Variants in MYO10 observed in about 807,000 individuals in gnomAD.
The protein encoded by MYO10 is myosin X.
MYO10 carries 133 observed loss-of-function variants against 257.3 expected under a neutral mutation model. That is an observed-to-expected ratio of 0.52 (90% CI 0.45 to 0.60). The LOEUF (loss-of-function observed/expected upper bound fraction) is 0.60, where lower values mean the gene tolerates loss of function less well. Among genes scored for constraint, MYO10 ranks in the 20% least tolerant of loss-of-function variants. The probability of loss-of-function intolerance (pLI) is 0.00; values close to 1 mark genes in which losing one functional copy is unlikely to be tolerated. For missense variants in MYO10, 2,399 were observed against 2,635.7 expected, an observed-to-expected ratio of 0.91 and a Z score of 1.97; for synonymous variants, 1,104 against 1,028.6, an observed-to-expected ratio of 1.07 and a Z score of -1.40.
At chr5:16,899,636 AAAAAAAC>A (rs1269645769) in intron 1 of MYO10, among the ~76,000 whole-genome samples, 3 of 151,554 alleles carry the variant, frequency 2.0e-5, no homozygotes, top group Admixed American at 6.6e-5. Context: ...TTCAAAAAAA[AAAAAAAC>A]AAAAAACAAT....
intron 1 of MYO10, among the ~76,000 whole-genome samples, chr5:16,913,237 T>G (rs1475142279): frequency 2.0e-5 from 3 of 152,136 alleles, no homozygotes; most frequent in Non-Finnish European, 4.4e-5. Context: ...TACAAGCCAC[T>G]GCCAAAATTC....
intron 21 of MYO10, chr5:16,710,582 G>A (rs1738554339): frequency 3.1e-6 from 1 of 321,640 alleles, no homozygotes; most frequent in Non-Finnish European, 5.9e-6. Context: ...TGTAGACACT[G>A]GGGGCTGCCT....
At chr5:16,761,007 T>C (rs902376606) in intron 17 of MYO10, among the ~76,000 whole-genome samples, 2 of 151,542 alleles carry the variant, frequency 1.3e-5, no homozygotes, top group African/African-American at 4.8e-5. Flanking sequence ...TTATTTATTT[T>C]GAGACAGAGT....
chr5:16,814,228 G>A (rs185376357), intron 3 of MYO10, among the ~76,000 whole-genome samples: 47 of 152,206 alleles, frequency 3.1e-4, no homozygotes, highest in South Asian at 1.2e-3. Context: ...TGCAAGCTCC[G>A]CCTCCCGGGT....
In MYO10 at chr5:16,701,979, C is replaced by A; in HGVS notation, c.2557-141G>T. 1.1e-6 allele frequency: 1 copy of A among 942,504 alleles called. No homozygotes were observed. The highest frequency in any genetic ancestry group is 1.5e-6 in the Non-Finnish European group (1 of 650,916). 58.4% of individuals were successfully genotyped at this position (942,504 alleles called of 1,614,324 possible). ...AAGTCTATAGGTTGAAGTCCTAACC[C>A]CAATACTGCAGAATGTGACTGCATT... On this transcript the variant is annotated intron_variant, in intron 24 of 40. Transcript: ENST00000513610. This position sits in a 1 kb window ranked among gnomAD's most constrained non-coding sequence, Gnocchi z 8.1.
intron 1 of MYO10, chr5:16,902,756 C>A: frequency 1.5e-6 from 1 of 664,166 alleles, no homozygotes. Flanking sequence ...CCCGCCTTGG[C>A]GTCCCAAAGT....
At position 16,758,237 on chromosome 5, in the gene MYO10, C is replaced by A. The variant is rs181994429; in HGVS notation, c.1740-11G>T. 9.5e-6 allele frequency: 15 copies of A among 1,576,872 alleles called. No individual in the cohort carries two copies. In the Admixed American group the frequency reaches 2.0e-4, roughly 21 times the overall value. On this transcript the variant is annotated splice_polypyrimidine_tract_variant and intron_variant, in intron 17 of 40. Coordinates refer to ENST00000513610, the MANE Select transcript of MYO10 (RefSeq NM_012334.3). ...TAGATAAAGTCAAATCTGTGTGAGG[C>A]AAGAGCAGGAGGTCAGTGAGGCACA... is the stretch of plus-strand genomic sequence containing the variant.
intron 2 of MYO10, among the ~76,000 whole-genome samples, chr5:16,871,832 T>C (rs764211798): frequency 6.6e-6 from 1 of 152,200 alleles, no homozygotes; most frequent in Non-Finnish European, 1.5e-5. Context: ...TTTAAAAATC[T>C]TGCCTCACTT....
chr5:16,676,085 G>T lies in MYO10; in HGVS notation c.4612C>A (p.His1538Asn). 6.2e-7 allele frequency: 1 copy of T among 1,613,538 alleles called. No individual in the cohort carries two copies. The highest frequency in any genetic ancestry group is 8.5e-7 in the Non-Finnish European group (1 of 1,179,708). ...GGCAGGAGCGGGGAGTGCAAGGGGT[G>T]ATGGGTGTATCGAAGGATCGGGTTC... ...KRNPILRYTH[H>N]PLHSPLLPLP... The change falls in exon 34 of 41, where the codon CAC becomes AAC. Residue 1538 changes from histidine (H) to asparagine (N), a missense_variant. By Grantham distance (68) the His-to-Asn change is moderately conservative (BLOSUM62 1). Transcript: ENST00000513610.
At chr5:16,822,332 C>T (rs966249388) in intron 2 of MYO10, among the ~76,000 whole-genome samples, 1 of 152,092 alleles carries the variant, frequency 6.6e-6, no homozygotes, top group African/African-American at 2.4e-5. Context: ...GAAAATCACT[C>T]ATTCAAGCAA....
chr5:16,848,418 C>A (rs1210409126), intron 2 of MYO10, among the ~76,000 whole-genome samples: 1 of 152,054 alleles, frequency 6.6e-6, no homozygotes, highest in Non-Finnish European at 1.5e-5. Flanking sequence ...CTTCGGCCTC[C>A]CAAAGGGCTG....
chr5:16,786,325 A>T (rs1297300377), intron 4 of MYO10, among the ~76,000 whole-genome samples: 1 of 152,182 alleles, frequency 6.6e-6, no homozygotes, highest in Non-Finnish European at 1.5e-5. Flanking sequence ...AAGATGCTTC[A>T]AGAGTGTATG....
At chr5:16,840,249 T>C (rs1477267709) in intron 2 of MYO10, among the ~76,000 whole-genome samples, 1 of 152,032 alleles carries the variant, frequency 6.6e-6, no homozygotes, top group African/African-American at 2.4e-5. Context: ...CTTGTCTCTA[T>C]GACAAATACA....
At chr5:16,935,749 T>A in intron 1 of MYO10, 39 bp downstream of exon 1, 10 of 1,613,038 alleles carry the variant, frequency 6.2e-6, no homozygotes, top group Non-Finnish European at 8.5e-6. Flanking sequence ...CCTCTCTCCC[T>A]GGGCTCCGGA....
chr5:16,846,681 T>A (rs1743644229), intron 2 of MYO10, among the ~76,000 whole-genome samples: 1 of 152,198 alleles, frequency 6.6e-6, no homozygotes, highest in Non-Finnish European at 1.5e-5. Flanking sequence ...GGATGACAAG[T>A]CATAATATGT....
chr5:16,714,606 GC>G (rs1195053789), intron 19 of MYO10, among the ~76,000 whole-genome samples: 79 of 152,146 alleles, frequency 5.2e-4, no homozygotes, highest in African/African-American at 1.9e-3. Flanking sequence ...AAGACCAAAT[GC>G]AGGAGATTGA....
intron 2 of MYO10, among the ~76,000 whole-genome samples, chr5:16,859,886 C>T (rs1446867919): frequency 6.6e-6 from 1 of 152,196 alleles, no homozygotes; most frequent in Non-Finnish European, 1.5e-5. Context: ...GGGCCGTGCC[C>T]TTCCTTCAGG....
chr5:16,928,702 G>A (rs1369887917), intron 1 of MYO10, among the ~76,000 whole-genome samples: 6 of 151,414 alleles, frequency 4.0e-5, no homozygotes, highest in Non-Finnish European at 8.8e-5. Flanking sequence ...AAAATTAGCC[G>A]GGTGTGGTGG....
At chr5:16,703,806 C>T (rs1213472103) in intron 22 of MYO10, among the ~76,000 whole-genome samples, 3 of 147,326 alleles carry the variant, frequency 2.0e-5, no homozygotes, top group Admixed American at 7.0e-5. Flanking sequence ...CACTTGAACC[C>T]GGGAGGCGGA....
Sources: allele counts gnomAD v4.1 joint callset (sites outside exome capture counted in the v4.1 genomes callset), GRCh38; gene constraint gnomAD v4.1.1; non-coding constraint Gnocchi (gnomAD v3.1); transcripts MANE v1.5; gene names NCBI Gene and HGNC (gene_info 2026-07-23, HGNC 2026-07-21).